Variants in MTMR7 observed in about 807,000 individuals in gnomAD.
MTMR7 encodes phosphatidylinositol-3-phosphate phosphatase MTMR7.
In MTMR7, 76 loss-of-function variants were observed where a neutral mutation model predicts 81.2. That is an observed-to-expected ratio of 0.94 (90% CI 0.78 to 1.13). The LOEUF (loss-of-function observed/expected upper bound fraction) is 1.13. MTMR7 is among the 50% of genes most tolerant of loss of function. MTMR7 has a pLI of 0.00. For synonymous variants in MTMR7, 372 were observed against 289.8 expected, an observed-to-expected ratio of 1.28 and a Z score of -2.88; for missense variants, 1,044 against 820.0, an observed-to-expected ratio of 1.27 and a Z score of -3.34.
intron 1 of MTMR7, among the ~76,000 whole-genome samples, chr8:17,398,051 G>C (rs915199293): frequency 6.6e-6 from 1 of 152,088 alleles, no homozygotes; most frequent in Non-Finnish European, 1.5e-5. Context: ...GAGGGCTCTT[G>C]AATACCTGGA....
rs11400421 is a variant in MTMR7, at chr8:17,359,584, T to TAAAAAAAA, written c.468+1525_468+1532dup. On this transcript the variant is annotated intron_variant, in intron 4 of 13. Coordinates refer to ENST00000180173, the MANE Select transcript of MTMR7 (RefSeq NM_004686.5). ...GTAACAGAGTGAAACCCTGTTTCCT[T>TAAAAAAAA]AAAAAAAAAAAAAAACCTGAAAGAA... is the stretch of plus-strand genomic sequence containing the variant. 2.7e-3 allele frequency among the ~76,000 whole-genome samples: 361 copies of TAAAAAAAA among 135,560 alleles called. 1 individual carries two copies. Among genetic ancestry groups the TAAAAAAAA allele is most frequent in the African/African-American group, 9.8e-3 (339 of 34,674 alleles). The allele number at this position is 135,560 out of a possible 152,430, so 88.9% of individuals were successfully genotyped here.
At chr8:17,305,514 C>G (rs1817389616) in intron 11 of MTMR7, among the ~76,000 whole-genome samples, 1 of 152,106 alleles carries the variant, frequency 6.6e-6, no homozygotes, top group African/African-American at 2.4e-5. Context: ...ATTCATGCAT[C>G]AAGTCTGTCA....
At chr8:17,402,582 T>C (rs1017198673) in intron 1 of MTMR7, among the ~76,000 whole-genome samples, 3 of 152,214 alleles carry the variant, frequency 2.0e-5, no homozygotes, top group African/African-American at 7.2e-5. Flanking sequence ...TTGCTGCAAA[T>C]GACGGGATCT....
chr8:17,379,954 C>T (rs1047858208), intron 1 of MTMR7, among the ~76,000 whole-genome samples: 1 of 152,106 alleles, frequency 6.6e-6, no homozygotes, highest in Non-Finnish European at 1.5e-5. Context: ...TATACCATAA[C>T]GCACTGAGGG....
intron 1 of MTMR7, among the ~76,000 whole-genome samples, chr8:17,397,876 G>A (rs1197220089): frequency 6.6e-6 from 1 of 152,180 alleles, no homozygotes; most frequent in Admixed American, 6.5e-5. Context: ...TCAGCAAAGA[G>A]AGAATACATT....
At chr8:17,364,180 C>G (rs1418504167) in intron 3 of MTMR7, among the ~76,000 whole-genome samples, 1 of 151,768 alleles carries the variant, frequency 6.6e-6, no homozygotes, top group African/African-American at 2.4e-5. Context: ...CAGGAGCCCG[C>G]CACCACGCCC....
intron 1 of MTMR7, among the ~76,000 whole-genome samples, chr8:17,377,462 G>T (rs1468987230): frequency 6.6e-6 from 1 of 151,936 alleles, no homozygotes; most frequent in Non-Finnish European, 1.5e-5. Flanking sequence ...GACAGGCAAA[G>T]GTTTTTCTTT....
At chr8:17,333,785 G>A (rs1350021690) in intron 6 of MTMR7, among the ~76,000 whole-genome samples, 1 of 152,070 alleles carries the variant, frequency 6.6e-6, no homozygotes, top group East Asian at 1.9e-4. Flanking sequence ...GGAGGTCAAC[G>A]CTGCAGTGAG....
Position 17,331,234 on chromosome 8 carries a change from C to A in MTMR7, c.781G>T (p.Asp261Tyr). 6.2e-7 allele frequency: 1 copy of A among 1,612,276 alleles called. No individual in the cohort carries two copies. The highest frequency in any genetic ancestry group is 8.5e-7 in the Non-Finnish European group (1 of 1,179,426). The change falls in exon 7 of 14, where the codon GAC (aspartate) becomes TAC (tyrosine). Residue 261 changes from aspartate to tyrosine, a missense_variant. Asp to Tyr is a radical substitution (Grantham distance 160, BLOSUM62 -3). Coordinates refer to ENST00000180173, the MANE Select transcript of MTMR7 (RefSeq NM_004686.5). ...TGAAACTTGATATTGGAATAATTGT[C>A]TTCATTCTCATAGCCTTTCCCTGCA... is the stretch of plus-strand genomic sequence containing the variant. ...RAAGKGYENEDNYSNIKFQFI... is the reference protein window; with the variant it reads ...RAAGKGYENEYNYSNIKFQFI...
chr8:17,403,871 T>G (rs1314259029), intron 1 of MTMR7, among the ~76,000 whole-genome samples: 1 of 152,232 alleles, frequency 6.6e-6, no homozygotes, highest in African/African-American at 2.4e-5. Flanking sequence ...CTTTTTCACA[T>G]TGTTCACTGT....
chr8:17,320,285 A>AAGC (rs1485855584), intron 7 of MTMR7, among the ~76,000 whole-genome samples: 4 of 152,296 alleles, frequency 2.6e-5, no homozygotes, highest in Admixed American at 2.0e-4. Context: ...GCTGAATCTG[A>AAGC]TCAAAAGTCT....
intron 1 of MTMR7, among the ~76,000 whole-genome samples, chr8:17,396,460 G>GA: frequency 6.6e-6 from 1 of 152,276 alleles, no homozygotes; most frequent in Non-Finnish European, 1.5e-5. Context: ...AGCTACTTGA[G>GA]GACTTGGCAT....
At chr8:17,404,848 C>T (rs1178598554) in intron 1 of MTMR7, among the ~76,000 whole-genome samples, 5 of 152,068 alleles carry the variant, frequency 3.3e-5, no homozygotes, top group South Asian at 2.1e-4. Context: ...TTTGTTGAGA[C>T]GGAGTCTTGC....
At chr8:17,384,842 C>T (rs1244145532) in intron 1 of MTMR7, among the ~76,000 whole-genome samples, 2 of 152,156 alleles carry the variant, frequency 1.3e-5, no homozygotes, top group Non-Finnish European at 2.9e-5. Flanking sequence ...CTTTCTACAG[C>T]TAAAAAACCA....
chr8:17,389,800 G>A (rs920071209), intron 1 of MTMR7, among the ~76,000 whole-genome samples: 1 of 151,928 alleles, frequency 6.6e-6, no homozygotes, highest in Non-Finnish European at 1.5e-5. Context: ...TGAAAAGTAG[G>A]GCCATATAAC....
intron 1 of MTMR7, among the ~76,000 whole-genome samples, chr8:17,386,564 G>A (rs543283644): frequency 6.6e-6 from 1 of 152,282 alleles, no homozygotes; most frequent in African/African-American, 2.4e-5. Context: ...CAGAAGGGGA[G>A]ATGGGCTGAA....
chr8:17,381,814 T>C (rs1820770208), intron 1 of MTMR7, among the ~76,000 whole-genome samples: 1 of 152,228 alleles, frequency 6.6e-6, no homozygotes, highest in Non-Finnish European at 1.5e-5. Context: ...GTGCTAAAAT[T>C]GGTATCATGA....
At chr8:17,336,455 G>T (rs564743747) in intron 6 of MTMR7, among the ~76,000 whole-genome samples, 1 of 152,190 alleles carries the variant, frequency 6.6e-6, no homozygotes, top group Admixed American at 6.5e-5. Context: ...ACGGCCACCA[G>T]CAAGTGTGAG....
At position 17,361,146 on chromosome 8, in the gene MTMR7, G is replaced by A. The variant is rs770566799; in HGVS notation, c.439C>T (p.Gln147Ter). 2 of 1,614,128 alleles carry A rather than the reference G, an allele frequency of 1.2e-6. No homozygotes were observed. Among genetic ancestry groups the A allele is most frequent in the East Asian group, 2.2e-5 (1 of 44,874 alleles). Residue 147 changes from glutamine (Q) to a stop codon, truncating the protein, a stop_gained, in exon 4 of 14, where the codon CAG (glutamine) becomes TAG (stop). Transcript: ENST00000180173. LOFTEE classifies it high-confidence loss of function. ...TRMGLPNHYW[Q>*]LSDVNRDYRV... ...TAGTCTCTATTCACATCGCTGAGCT[G>A]CCAGTAATGATTAGGGAGGCCCATC...
Sources: allele counts gnomAD v4.1 joint callset (sites outside exome capture counted in the v4.1 genomes callset), GRCh38; gene constraint gnomAD v4.1.1; transcripts MANE v1.5; gene names NCBI Gene and HGNC (gene_info 2026-07-23, HGNC 2026-07-21).